Variants in SLC24A2 observed in about 807,000 individuals in gnomAD.
SLC24A2 encodes the protein solute carrier family 24 member 2.
Under a neutral mutation model 62.0 loss-of-function variants are expected in SLC24A2, and 36 were observed. The ratio of observed to expected loss-of-function variants is 0.58; its 90% CI spans 0.44 to 0.77. SLC24A2 has a LOEUF of 0.77. Among genes scored for constraint, SLC24A2 ranks in the 30% least tolerant of loss-of-function variants. The pLI, the probability that SLC24A2 is intolerant of heterozygous loss-of-function variation, is 0.00. For synonymous variants in SLC24A2, 358 were observed against 294.0 expected, an observed-to-expected ratio of 1.22 and a Z score of -2.23; for missense variants, 846 against 817.9, an observed-to-expected ratio of 1.03 and a Z score of -0.42.
At chr9:19,988,782 A>G in the SLC24A2 span, among the ~76,000 whole-genome samples, 97 of 152,312 alleles carry the variant, frequency 6.4e-4, no homozygotes, top group Middle Eastern at 3.4e-3. Flanking sequence ...AAACAAAACC[A>G]AGATCAGAAG....
chr9:19,989,623 T>C, the SLC24A2 span, among the ~76,000 whole-genome samples: 2 of 152,208 alleles, frequency 1.3e-5, no homozygotes, highest in South Asian at 4.1e-4. Context: ...TGGTATCTTA[T>C]AGTTCTTCCC....
chr9:19,520,602 C>A (rs1404698265), intron 10 of SLC24A2, among the ~76,000 whole-genome samples: 1 of 151,996 alleles, frequency 6.6e-6, no homozygotes, highest in Non-Finnish European at 1.5e-5. Flanking sequence ...TATCTCAGTT[C>A]CACTTGAATG....
the SLC24A2 span, among the ~76,000 whole-genome samples, chr9:20,145,131 T>C: frequency 6.6e-6 from 1 of 152,164 alleles, no homozygotes; most frequent in Non-Finnish European, 1.5e-5. Context: ...CAGGATTTCA[T>C]ATGGAATAAC....
chr9:20,073,056 C>T, the SLC24A2 span, among the ~76,000 whole-genome samples: 2 of 152,120 alleles, frequency 1.3e-5, no homozygotes. Flanking sequence ...TACAAATGAT[C>T]ACAAATGCTA....
chr9:20,096,684 G>A, the SLC24A2 span, among the ~76,000 whole-genome samples: 1 of 152,064 alleles, frequency 6.6e-6, no homozygotes, highest in Admixed American at 6.5e-5. Context: ...ATTTTAGAAA[G>A]ATACTTTTCT....
the SLC24A2 span, among the ~76,000 whole-genome samples, chr9:20,273,050 C>T: frequency 6.6e-6 from 1 of 152,210 alleles, no homozygotes; most frequent in Admixed American, 6.5e-5. Context: ...CCGTCAGTGA[C>T]TTCCACAGTG....
chr9:20,239,565 G>A, the SLC24A2 span, among the ~76,000 whole-genome samples: 4 of 152,178 alleles, frequency 2.6e-5, no homozygotes, highest in African/African-American at 4.8e-5. Context: ...CTAGGAAAAG[G>A]GCTGCTCTTG....
intron 2 of SLC24A2, among the ~76,000 whole-genome samples, chr9:19,759,839 G>C (rs550624734): frequency 1.9e-4 from 29 of 152,234 alleles, no homozygotes; most frequent in African/African-American, 6.3e-4. Context: ...GAGAAAGTGA[G>C]TGAACCACCC....
chr9:19,705,517 C>G (rs552061987), intron 2 of SLC24A2: 1 of 225,360 alleles, frequency 4.4e-6, no homozygotes, highest in East Asian at 1.1e-4. Flanking sequence ...GAAAACTTCT[C>G]CAGCAGATCC....
the SLC24A2 span, among the ~76,000 whole-genome samples, chr9:20,121,754 C>T: frequency 3.3e-5 from 5 of 152,142 alleles, no homozygotes; most frequent in Non-Finnish European, 7.3e-5. Flanking sequence ...CACTCCTAAG[C>T]AGAAATTTGA....
chr9:20,004,203 C>A, the SLC24A2 span, among the ~76,000 whole-genome samples: 2 of 152,200 alleles, frequency 1.3e-5, no homozygotes, highest in Non-Finnish European at 2.9e-5. Context: ...CTCATGCAAT[C>A]GCCATTTGCT....
chr9:19,545,867 G>C (rs767485672), intron 8 of SLC24A2, among the ~76,000 whole-genome samples: 11 of 152,110 alleles, frequency 7.2e-5, no homozygotes, highest in Non-Finnish European at 1.5e-4. Flanking sequence ...TCAATCTCCT[G>C]ACCTTGTGAT....
Position 19,622,272 on chromosome 9 carries a change from G to T in SLC24A2, c.958C>A (p.Pro320Thr), listed in dbSNP as rs1327717718. ...CCACTGCTTCCTACCGGTAGAGTTG[G>T]TTCATCCTTGTCCCTGGCTGCAGAT... ...KPSAARDKDE[P>T]TLPAKPRLQR... Residue 320 changes from proline (P) to threonine (T), a missense_variant, in exon 3 of 11, where the codon CCA becomes ACA. Pro to Thr is a conservative substitution (Grantham distance 38). Coordinates refer to ENST00000341998, the MANE Select transcript of SLC24A2 (RefSeq NM_020344.4). 5.6e-6 allele frequency: 9 copies of T among 1,613,156 alleles called. No individual in the cohort carries two copies. The East Asian group carries it at 2.0e-4, about 36-fold the overall frequency.
intron 2 of SLC24A2, among the ~76,000 whole-genome samples, chr9:19,716,349 T>G (rs1820859588): frequency 6.6e-6 from 1 of 152,236 alleles, no homozygotes; most frequent in African/African-American, 2.4e-5. Context: ...GGCTTATTCA[T>G]TATTTCATTC....
At chr9:20,127,798 C>G in the SLC24A2 span, among the ~76,000 whole-genome samples, 3 of 152,284 alleles carry the variant, frequency 2.0e-5, no homozygotes, top group African/African-American at 7.2e-5. Context: ...AGACCAATGT[C>G]AGGCAGTAGG....
At chr9:19,868,777 T>C in the SLC24A2 span, among the ~76,000 whole-genome samples, 2 of 152,204 alleles carry the variant, frequency 1.3e-5, no homozygotes, top group African/African-American at 2.4e-5. Context: ...CTTATACTAA[T>C]TTAGCAACTC....
the SLC24A2 span, among the ~76,000 whole-genome samples, chr9:20,059,322 A>G: frequency 3.3e-5 from 5 of 152,004 alleles, no homozygotes; most frequent in Non-Finnish European, 7.4e-5. Flanking sequence ...TACATAGAAA[A>G]CTCCATTTAA....
At chr9:20,111,820 C>G in the SLC24A2 span, among the ~76,000 whole-genome samples, 1 of 152,002 alleles carries the variant, frequency 6.6e-6, no homozygotes, top group Non-Finnish European at 1.5e-5. Flanking sequence ...GCTTCTCCAG[C>G]CCTTCTTTCA....
intron 5 of SLC24A2, among the ~76,000 whole-genome samples, chr9:19,577,908 TA>T (rs1445267760): frequency 6.6e-6 from 1 of 150,732 alleles, no homozygotes; most frequent in Non-Finnish European, 1.5e-5. Flanking sequence ...TATGCAGCCA[TA>T]AAAAGGAATG....
Sources: gnomAD v4.1 joint callset for allele counts (sites outside exome capture counted in the v4.1 genomes callset) on GRCh38, gnomAD v4.1.1 for gene constraint, MANE v1.5 for transcripts, NCBI Gene and HGNC (gene_info 2026-07-23, HGNC 2026-07-21) for gene names.